Variants in AAGAB observed in about 807,000 individuals in gnomAD.
The protein encoded by AAGAB is alpha- and gamma-adaptin-binding protein p34.
Under a neutral mutation model 44.1 loss-of-function variants are expected in AAGAB, and 38 were observed. That is an observed-to-expected ratio of 0.86 (90% confidence interval 0.67 to 1.13). The LOEUF (loss-of-function observed/expected upper bound fraction) is 1.13. Ranked by LOEUF, AAGAB falls within the 50% of genes most tolerant of loss-of-function variation. AAGAB has a pLI of 0.00. For synonymous variants in AAGAB, 131 were observed against 131.8 expected, an observed-to-expected ratio of 0.99 and a Z score of 0.04; for missense variants, 450 against 373.8, an observed-to-expected ratio of 1.20 and a Z score of -1.68.
At chr15:67,205,727 G>A (rs1963670041) in intron 7 of AAGAB, among the ~76,000 whole-genome samples, 1 of 152,188 alleles carries the variant, frequency 6.6e-6, no homozygotes, top group Non-Finnish European at 1.5e-5. Context: ...GCACAGAGCT[G>A]TTGTAGTGGC....
chr15:67,217,189 G>C (rs1204859775), intron 5 of AAGAB, among the ~76,000 whole-genome samples: 2 of 152,152 alleles, frequency 1.3e-5, no homozygotes, highest in Non-Finnish European at 2.9e-5. Flanking sequence ...GTTAAAAAGA[G>C]AAGCAAGTAA....
chr15:67,252,633 A>G (rs1484042823), intron 1 of AAGAB, among the ~76,000 whole-genome samples: 3 of 152,194 alleles, frequency 2.0e-5, no homozygotes, highest in Non-Finnish European at 4.4e-5. Context: ...TTTTACAATG[A>G]AACAATTAAA....
intron 7 of AAGAB, among the ~76,000 whole-genome samples, chr15:67,204,424 C>T (rs1320464879): frequency 2.6e-5 from 4 of 152,082 alleles, no homozygotes; most frequent in African/African-American, 9.7e-5. Context: ...AGTGACTTGC[C>T]GAGGTGACAG....
upstream of AAGAB, chr15:67,254,885 C>A (rs762775024): frequency 8.1e-6 from 13 of 1,613,396 alleles, no homozygotes; most frequent in Admixed American, 1.8e-4. Context: ...GTAGCCGTTC[C>A]CTGACCTAGC....
chr15:67,218,672 C>T (rs1285571492), intron 5 of AAGAB, among the ~76,000 whole-genome samples: 1 of 152,154 alleles, frequency 6.6e-6, no homozygotes, highest in Non-Finnish European at 1.5e-5. Context: ...GTGGCAGGAG[C>T]AATCAACTTT....
upstream of AAGAB, chr15:67,254,789 A>G (rs1000559378): frequency 7.4e-7 from 1 of 1,356,292 alleles, no homozygotes; most frequent in Non-Finnish European, 1.0e-6. Flanking sequence ...CCAGCGTGGA[A>G]CAGGCCAGGT....
In AAGAB at chr15:67,244,031, T is replaced by C. The variant is rs559136072; in HGVS notation, c.74-7211A>G. On this transcript the variant is annotated intron_variant, in intron 1 of 9. Coordinates refer to ENST00000261880, the MANE Select transcript of AAGAB (RefSeq NM_024666.5). ...AAATGGTAATTTTTCATAAACAAAT[T>C]AGCATGAAGTAATAAAACCTTACAA... Among the ~76,000 whole-genome samples the C allele has an allele frequency of 7.7e-4, 117 of 152,236 alleles. 1 individual carries two copies. The highest frequency in any genetic ancestry group is 2.1e-3 in the African/African-American group (89 of 41,536).
intron 4 of AAGAB, among the ~76,000 whole-genome samples, chr15:67,234,244 C>T (rs920033791): frequency 2.6e-5 from 4 of 151,978 alleles, no homozygotes; most frequent in Non-Finnish European, 4.4e-5. Context: ...CAGAGAGAGA[C>T]TCTGTCTCAA....
At chr15:67,237,101 C>T (rs1172528875) in intron 1 of AAGAB, among the ~76,000 whole-genome samples, 1 of 151,984 alleles carries the variant, frequency 6.6e-6, no homozygotes, top group Non-Finnish European at 1.5e-5. Context: ...AGTCATATAA[C>T]CAAATATCCA....
intron 1 of AAGAB, among the ~76,000 whole-genome samples, chr15:67,250,958 C>T (rs1426359275): frequency 2.0e-5 from 3 of 152,150 alleles, no homozygotes; most frequent in Non-Finnish European, 2.9e-5. Flanking sequence ...GCCCAGGAGG[C>T]GGAGCTTGCA....
intron 1 of AAGAB, 56 bp from the exon 2 acceptor site, chr15:67,236,876 G>C (rs1964483610): frequency 7.4e-7 from 1 of 1,351,428 alleles, no homozygotes; most frequent in Non-Finnish European, 1.0e-6. Context: ...TACATTGGTT[G>C]ATTTTCTCAG....
chr15:67,237,759 T>C (rs1271489779), intron 1 of AAGAB, among the ~76,000 whole-genome samples: 3 of 152,196 alleles, frequency 2.0e-5, no homozygotes, highest in African/African-American at 7.2e-5. Context: ...ATGCCATTAA[T>C]TGACTTATCA....
intron 5 of AAGAB, among the ~76,000 whole-genome samples, chr15:67,212,546 G>T (rs1262399088): frequency 2.0e-5 from 3 of 152,072 alleles, no homozygotes; most frequent in Non-Finnish European, 2.9e-5. Flanking sequence ...TTACAATCAG[G>T]TTTCAGGCTA....
intron 5 of AAGAB, among the ~76,000 whole-genome samples, chr15:67,222,282 A>ACACACACACACACACACACACACACAC (rs796412643): frequency 2.9e-5 from 4 of 139,848 alleles, no homozygotes; most frequent in South Asian, 2.4e-4. Flanking sequence ...ACACACACAC[A>ACACACACACACACACACACACACACAC]CCCTCCACCC....
At chr15:67,250,040 C>G (rs1045566331) in intron 1 of AAGAB, among the ~76,000 whole-genome samples, 2 of 152,220 alleles carry the variant, frequency 1.3e-5, no homozygotes, top group Non-Finnish European at 2.9e-5. Context: ...TGGCATTACA[C>G]ACTTTAAAAC....
chr15:67,255,176 G>T (rs1965099650), upstream of AAGAB: 6 of 591,422 alleles, frequency 1.0e-5, no homozygotes, highest in Admixed American at 1.5e-4. Flanking sequence ...TTCTGCCTCT[G>T]GGAAAACTCT....
At chr15:67,222,240 G>GCACACACACACA (rs1156310462) in intron 5 of AAGAB, among the ~76,000 whole-genome samples, 17 of 88,276 alleles carry the variant, frequency 1.9e-4, no homozygotes, top group East Asian at 1.5e-3. Flanking sequence ...ACGCGCGCGC[G>GCACACACACACA]CGCACACACA....
chr15:67,247,388 G>A (rs1022243163), intron 1 of AAGAB, among the ~76,000 whole-genome samples: 7 of 152,156 alleles, frequency 4.6e-5, no homozygotes, highest in Non-Finnish European at 8.8e-5. Flanking sequence ...AAGAGAAAAG[G>A]CAGTAAGTTG....
At chr15:67,229,784 T>C (rs965757560) in intron 5 of AAGAB, among the ~76,000 whole-genome samples, 11 of 152,068 alleles carry the variant, frequency 7.2e-5, no homozygotes, top group Admixed American at 4.6e-4. Context: ...ACCGGTCTTC[T>C]ACTTGACCTT....
Sources: gnomAD v4.1 joint callset for allele counts (sites outside exome capture counted in the v4.1 genomes callset) on GRCh38, gnomAD v4.1.1 for gene constraint, MANE v1.5 for transcripts, NCBI Gene and HGNC (gene_info 2026-07-23, HGNC 2026-07-21) for gene names.